Variants in PLXNA4 observed in about 807,000 individuals in gnomAD.
PLXNA4 encodes the protein plexin-A4.
PLXNA4 carries 44 observed loss-of-function variants against 191.8 expected under a neutral mutation model. That is an observed-to-expected ratio of 0.23 (90% CI 0.18 to 0.29). The LOEUF (loss-of-function observed/expected upper bound fraction) is 0.29, where lower values mean the gene tolerates loss of function less well. Ranked by LOEUF, PLXNA4 falls within the 10% of genes least tolerant of loss-of-function variation. The pLI is 1.00. For missense variants in PLXNA4, 1,800 were observed against 2,488.8 expected (o/e 0.72, Z 5.89); for synonymous variants, 1,082 against 1,009.5 (o/e 1.07, Z -1.36).
intron 4 of PLXNA4, among the ~76,000 whole-genome samples, chr7:132,270,635 T>C (rs1800031521): frequency 6.6e-6 from 1 of 152,236 alleles, no homozygotes; most frequent in South Asian, 2.1e-4. Context: ...GTTGTATATA[T>C]GTAATACCTC....
chr7:132,558,235 T>C (rs925331556), intron 1 of PLXNA4, among the ~76,000 whole-genome samples: 1 of 152,368 alleles, frequency 6.6e-6, no homozygotes, highest in South Asian at 2.1e-4. Context: ...CCAATATTTT[T>C]AAGTTTTCAA....
intron 3 of PLXNA4, among the ~76,000 whole-genome samples, chr7:132,435,675 G>A (rs1279426780): frequency 6.6e-6 from 1 of 152,206 alleles, no homozygotes. Flanking sequence ...GGCAACACTT[G>A]TCTTTGTGTT....
chr7:132,328,805 G>A (rs73434856), intron 3 of PLXNA4, among the ~76,000 whole-genome samples: 4 of 152,102 alleles, frequency 2.6e-5, no homozygotes, highest in Non-Finnish European at 5.9e-5. Context: ...CCTCTGCACC[G>A]CAGGTGCTCT....
intron 3 of PLXNA4, among the ~76,000 whole-genome samples, chr7:132,373,360 G>GCTT (rs1804522075): frequency 6.6e-6 from 1 of 152,260 alleles, no homozygotes; most frequent in African/African-American, 2.4e-5. Context: ...AAAGGAAGAG[G>GCTT]CTTCCAGGTC....
At chr7:132,151,902 T>C (rs1268916827) in intron 25 of PLXNA4, among the ~76,000 whole-genome samples, 3 of 152,138 alleles carry the variant, frequency 2.0e-5, no homozygotes, top group Non-Finnish European at 2.9e-5. Flanking sequence ...GGAAAGCCAC[T>C]CCTTAATGTC....
chr7:132,635,701 A>T (rs1803590696), intron 2 of PLXNA4, among the ~76,000 whole-genome samples: 1 of 152,024 alleles, frequency 6.6e-6, no homozygotes, highest in Non-Finnish European at 1.5e-5. Flanking sequence ...CCCCCAACGA[A>T]CCACGGAAGA....
chr7:132,555,045 G>GAAAAAAAAAAACAAAC (rs1554467854), intron 1 of PLXNA4, among the ~76,000 whole-genome samples: 1,664 of 111,888 alleles, frequency 0.015, 53 homozygotes, highest in African/African-American at 0.058. Context: ...AAACCTGAAG[G>GAAAAAAAAAAACAAAC]AAAAAAAAAA....
chr7:132,458,279 C>T (rs1796380722), intron 3 of PLXNA4, among the ~76,000 whole-genome samples: 1 of 151,902 alleles, frequency 6.6e-6, no homozygotes, highest in Admixed American at 6.6e-5. Context: ...AAGCGGTACA[C>T]ATGCCATGAC....
Position 132,338,259 on chromosome 7 carries a change from G to A in PLXNA4, c.1372-40037C>T, listed in dbSNP as rs555259462. ...CTGGGTCCACACTAGTTCTGCCACC[G>A]GCACAGGAGCCGTGAACAGACTCAA... is the stretch of plus-strand genomic sequence containing the variant. On this transcript the variant is annotated intron_variant, in intron 3 of 31. Transcript: ENST00000321063. Among the ~76,000 whole-genome samples, 20 of 152,306 alleles carry A rather than the reference G, an allele frequency of 1.3e-4. No homozygotes were observed. The East Asian group carries it at 1.9e-3, about 15-fold the overall frequency.
intron 3 of PLXNA4, among the ~76,000 whole-genome samples, chr7:132,448,096 C>T (rs1369590517): frequency 6.6e-6 from 1 of 152,198 alleles, no homozygotes; most frequent in African/African-American, 2.4e-5. Flanking sequence ...CTGATAAGTA[C>T]ATTGGACTAC....
chr7:132,237,862 G>T (rs17166273), intron 5 of PLXNA4, among the ~76,000 whole-genome samples: 3,096 of 152,222 alleles, frequency 0.02, 226 homozygotes, highest in Admixed American at 0.13. Context: ...GACAAAAATC[G>T]GTACCCGTGG....
intron 2 of PLXNA4, among the ~76,000 whole-genome samples, chr7:132,506,644 T>G (rs1798476095): frequency 6.6e-6 from 1 of 152,166 alleles, no homozygotes; most frequent in Non-Finnish European, 1.5e-5. Context: ...CTTTTCATGG[T>G]GGGGCACACG....
chr7:132,600,631 C>T (rs993216507), intron 2 of PLXNA4, among the ~76,000 whole-genome samples: 2 of 152,206 alleles, frequency 1.3e-5, no homozygotes, highest in African/African-American at 4.8e-5. Context: ...CCTCAGCCTC[C>T]CAAAGTGCTG....
At chr7:132,175,849 C>T (rs1227701229) in intron 20 of PLXNA4, among the ~76,000 whole-genome samples, 2 of 152,230 alleles carry the variant, frequency 1.3e-5, no homozygotes, top group Non-Finnish European at 2.9e-5. Flanking sequence ...GATGGATTAA[C>T]ACATGCTGGC....
chr7:132,566,766 T>C lies in PLXNA4; in HGVS notation c.-87+9656A>G, dbSNP rs945420290. Among the ~76,000 whole-genome samples, 4 of 152,344 alleles carry C rather than the reference T, an allele frequency of 2.6e-5. No homozygotes were observed. The East Asian group carries it at 7.7e-4, about 29-fold the overall frequency. On this transcript the variant is annotated intron_variant, in intron 1 of 31. Transcript: ENST00000321063. ...CACACTTTTTGAATTTGTTTCTTTA[T>C]GAAATATACACCTGAAGGCAGATCA...
chr7:132,304,580 C>T (rs1185764323), intron 3 of PLXNA4, among the ~76,000 whole-genome samples: 2 of 152,314 alleles, frequency 1.3e-5, no homozygotes, highest in South Asian at 2.1e-4. Flanking sequence ...GTTAAACTTA[C>T]AGCACAGCTC....
intron 2 of PLXNA4, among the ~76,000 whole-genome samples, chr7:132,624,906 C>T (rs191246792): frequency 9.7e-4 from 147 of 152,250 alleles, no homozygotes; most frequent in Non-Finnish European, 1.9e-3. Flanking sequence ...AGAGAACAAA[C>T]CACCCAAGTC....
At chr7:132,642,786 T>G (rs184911648) in intron 2 of PLXNA4, among the ~76,000 whole-genome samples, 78 of 152,278 alleles carry the variant, frequency 5.1e-4, no homozygotes, top group African/African-American at 1.9e-3. Context: ...ACAGAAATTT[T>G]TAGAAAGTTC....
At chr7:132,474,100 C>T (rs1797032427) in intron 3 of PLXNA4, among the ~76,000 whole-genome samples, 1 of 151,876 alleles carries the variant, frequency 6.6e-6, no homozygotes, top group Admixed American at 6.6e-5. Flanking sequence ...ACCTAGAAGG[C>T]GGCATTAGGG....
Sources: gnomAD v4.1 joint callset for allele counts (sites outside exome capture counted in the v4.1 genomes callset) on GRCh38, gnomAD v4.1.1 for gene constraint, MANE v1.5 for transcripts, NCBI Gene and HGNC (gene_info 2026-07-23, HGNC 2026-07-21) for gene names.